PPFIA2: variants seen among roughly 807,000 people sequenced by gnomAD.
PPFIA2 encodes liprin-alpha-2.
Under a neutral mutation model 175.5 loss-of-function variants are expected in PPFIA2, and 46 were observed. The ratio of observed to expected loss-of-function variants is 0.26; its 90% CI spans 0.21 to 0.34. The LOEUF (loss-of-function observed/expected upper bound fraction) is 0.34, where lower values mean the gene tolerates loss of function less well. Among genes scored for constraint, PPFIA2 ranks in the 10% least tolerant of loss-of-function variants. The pLI, the probability that PPFIA2 is intolerant of heterozygous loss-of-function variation, is 1.00. For synonymous variants in PPFIA2, 568 were observed against 511.4 expected, an observed-to-expected ratio of 1.11 and a Z score of -1.49; for missense variants, 1,179 against 1,506.1, an observed-to-expected ratio of 0.78 and a Z score of 3.60.
chr12:81,571,125 T>C (rs974745271), intron 4 of PPFIA2, among the ~76,000 whole-genome samples: 10 of 152,156 alleles, frequency 6.6e-5, no homozygotes, highest in Non-Finnish European at 1.0e-4. Flanking sequence ...CCAGCATTTA[T>C]AGAATCTAAT....
At chr12:81,649,094 GA>G (rs993130361) in intron 4 of PPFIA2, among the ~76,000 whole-genome samples, 17 of 151,548 alleles carry the variant, frequency 1.1e-4, no homozygotes, top group Non-Finnish European at 2.1e-4. Flanking sequence ...CAAAAACAAG[GA>G]AAAAAATAAA....
At chr12:81,415,807 T>G (rs1054532765) in intron 7 of PPFIA2, among the ~76,000 whole-genome samples, 1 of 151,352 alleles carries the variant, frequency 6.6e-6, no homozygotes, top group African/African-American at 2.4e-5. Context: ...TCAACAATAG[T>G]AATTTTGACA....
intron 27 of PPFIA2, among the ~76,000 whole-genome samples, chr12:81,280,474 G>A (rs552382571): frequency 3.9e-5 from 6 of 152,106 alleles, no homozygotes; most frequent in African/African-American, 1.4e-4. Context: ...TCCAGCCACT[G>A]ATTAAATGTT....
At chr12:81,737,632 G>A (rs1306257638) in intron 3 of PPFIA2, among the ~76,000 whole-genome samples, 1 of 151,884 alleles carries the variant, frequency 6.6e-6, no homozygotes, top group East Asian at 1.9e-4. Context: ...ATTCAAGTTA[G>A]CAGAAAGACT....
At chr12:81,532,961 C>T (rs1183590735) in intron 4 of PPFIA2, among the ~76,000 whole-genome samples, 1 of 133,426 alleles carries the variant, frequency 7.5e-6, no homozygotes, top group Non-Finnish European at 1.6e-5. Flanking sequence ...TAACAAATAT[C>T]ATTTAATTTT....
intron 3 of PPFIA2, among the ~76,000 whole-genome samples, chr12:81,710,607 C>T (rs2077766374): frequency 6.6e-6 from 1 of 151,912 alleles, no homozygotes; most frequent in East Asian, 1.9e-4. Flanking sequence ...GGAATATTTA[C>T]ATATACATAA....
At chr12:81,625,405 A>G (rs1201408372) in intron 4 of PPFIA2, among the ~76,000 whole-genome samples, 1 of 151,960 alleles carries the variant, frequency 6.6e-6, no homozygotes, top group African/African-American at 2.4e-5. Context: ...GTTGTGAAGG[A>G]GGAATTTTCA....
chr12:81,725,236 C>T (rs1223803612), intron 3 of PPFIA2, among the ~76,000 whole-genome samples: 1 of 150,718 alleles, frequency 6.6e-6, no homozygotes, highest in Non-Finnish European at 1.5e-5. Context: ...ATATTAAATT[C>T]CATACAATGA....
chr12:81,659,434 C>T (rs1277089192), intron 4 of PPFIA2, among the ~76,000 whole-genome samples: 3 of 152,166 alleles, frequency 2.0e-5, no homozygotes, highest in South Asian at 2.1e-4. Flanking sequence ...AAGGGTTCTA[C>T]GCCCATGGAG....
chr12:81,300,988 C>A (rs2047688547), intron 22 of PPFIA2, among the ~76,000 whole-genome samples: 1 of 151,946 alleles, frequency 6.6e-6, no homozygotes, highest in South Asian at 2.1e-4. Flanking sequence ...CAATACAATA[C>A]AATATAATAC....
intron 4 of PPFIA2, among the ~76,000 whole-genome samples, chr12:81,646,477 T>C (rs1485067357): frequency 6.6e-6 from 1 of 151,970 alleles, no homozygotes; most frequent in Non-Finnish European, 1.5e-5. Context: ...TGGCAGTAAG[T>C]AGGAAGCCAC....
At chr12:81,650,813 G>A (rs1488731676) in intron 4 of PPFIA2, among the ~76,000 whole-genome samples, 3 of 152,138 alleles carry the variant, frequency 2.0e-5, no homozygotes, top group African/African-American at 7.2e-5. Flanking sequence ...CTTGACCACC[G>A]TAAAAATGTA....
intron 17 of PPFIA2, among the ~76,000 whole-genome samples, chr12:81,351,706 T>C (rs1037179463): frequency 7.0e-6 from 1 of 143,082 alleles, no homozygotes; most frequent in African/African-American, 2.6e-5. Context: ...AAGACCACCC[T>C]GGGCAAGGGA....
chr12:81,413,837 T>C (rs1366794929), intron 7 of PPFIA2, among the ~76,000 whole-genome samples: 1 of 150,932 alleles, frequency 6.6e-6, no homozygotes, highest in Non-Finnish European at 1.5e-5. Context: ...GGAAAAGCAA[T>C]GTAAATTGAT....
At chr12:81,648,866 A>G (rs2066574434) in intron 4 of PPFIA2, among the ~76,000 whole-genome samples, 1 of 152,052 alleles carries the variant, frequency 6.6e-6, no homozygotes, top group Admixed American at 6.5e-5. Flanking sequence ...GCAAAATACT[A>G]TGGTAATTTA....
At chr12:81,336,502 A>T (rs2140196257) in intron 21 of PPFIA2, among the ~76,000 whole-genome samples, 1 of 152,340 alleles carries the variant, frequency 6.6e-6, no homozygotes, top group Non-Finnish European at 1.5e-5. Context: ...AAAGCAAACA[A>T]GATATCCTTT....
intron 15 of PPFIA2, 40 bp downstream of exon 15, chr12:81,362,653 T>C: frequency 7.4e-7 from 1 of 1,355,436 alleles, no homozygotes; most frequent in Non-Finnish European, 1.0e-6. Flanking sequence ...TTCATGTTGA[T>C]TTTCAGTGAA....
At chr12:81,716,891 GA>G (rs1301493670) in intron 3 of PPFIA2, among the ~76,000 whole-genome samples, 1 of 150,072 alleles carries the variant, frequency 6.7e-6, no homozygotes, top group Non-Finnish European at 1.5e-5. Flanking sequence ...CTGGTAACCA[GA>G]AAAAAGGAAG....
chr12:81,696,133 A>C (rs2018910972), intron 3 of PPFIA2, among the ~76,000 whole-genome samples: 2 of 152,152 alleles, frequency 1.3e-5, no homozygotes, highest in Non-Finnish European at 2.9e-5. Flanking sequence ...TTTGTGTTTT[A>C]ATTTCCCACA....
Sources: allele counts gnomAD v4.1 joint callset (sites outside exome capture counted in the v4.1 genomes callset), GRCh38; gene constraint gnomAD v4.1.1; transcripts MANE v1.5; gene names NCBI Gene and HGNC (gene_info 2026-07-23, HGNC 2026-07-21).